The following ZNF182 variants were observed in gnomAD, a reference collection of about 807,000 sequenced individuals.
ZNF182 encodes the protein zinc finger protein 21 (KOX 14).
ZNF182 carries 10 observed loss-of-function variants against 28.1 expected under a neutral mutation model. The ratio of observed to expected loss-of-function variants is 0.36; its 90% CI spans 0.22 to 0.60. ZNF182 has a LOEUF of 0.60. Among genes scored for constraint, ZNF182 ranks in the 20% least tolerant of loss-of-function variants. ZNF182 has a pLI of 0.75. For missense variants in ZNF182, 352 were observed against 453.2 expected, an observed-to-expected ratio of 0.78 and a Z score of 2.03; for synonymous variants, 156 against 158.7, an observed-to-expected ratio of 0.98 and a Z score of 0.13.
intron 3 of ZNF182, among the ~76,000 whole-genome samples, chrX:47,997,155 C>T (rs1032574759): frequency 9.3e-6 from 1 of 107,671 alleles, no homozygotes; most frequent in Non-Finnish European, 1.9e-5. Flanking sequence ...GGCAAAACCC[C>T]ATCTCTACAA....
chrX:47,986,053 C>A (rs1013306778), intron 3 of ZNF182, among the ~76,000 whole-genome samples: 2 of 111,628 alleles, frequency 1.8e-5, no homozygotes, highest in Non-Finnish European at 3.8e-5. Context: ...TATTACCATG[C>A]CCTGTGATTA....
chrX:47,994,500 C>T lies in ZNF182; in HGVS notation c.15+8095G>A, dbSNP rs782706015. 2.8e-3 allele frequency among the ~76,000 whole-genome samples: 313 copies of T among 111,121 alleles called. 3 individuals are homozygous for T. Among genetic ancestry groups the T allele is most frequent in the African/African-American group, 9.6e-3 (294 of 30,520 alleles). On this transcript the variant is annotated intron_variant, in intron 3 of 5. Coordinates refer to ENST00000376943, the MANE Select transcript of ZNF182 (RefSeq NM_001007088.2). ...CAACAGAGCGGAAAAATGACCAATT[C>T]GATATAAATACATAGGGAGGAGAAA...
chrX:47,978,789 T>C (rs782247885), intron 5 of ZNF182, among the ~76,000 whole-genome samples: 19 of 112,798 alleles, frequency 1.7e-4, no homozygotes, highest in Non-Finnish European at 3.6e-4. Context: ...TCTTCCTATA[T>C]AACTTAAATT....
rs781851963 is a variant in ZNF182 at position 48,002,100 on chromosome X, T to C, written c.15+495A>G. On this transcript the variant is annotated intron_variant, in intron 3 of 5. Transcript: ENST00000376943. ...CTAAGAAATTGCTTCAGGAAAATCA[T>C]TGGAAAGACAAGCAGGTTCCCTAAG... is the stretch of plus-strand genomic sequence containing the variant. Among the ~76,000 whole-genome samples the C allele has an allele frequency of 4.9e-4, 55 of 112,274 alleles. No individual in the cohort carries two copies. The South Asian group carries it at 0.014, about 28-fold the overall frequency.
intron 3 of ZNF182, among the ~76,000 whole-genome samples, chrX:48,002,148 T>G (rs1315873003): frequency 8.9e-6 from 1 of 112,072 alleles, no homozygotes; most frequent in Non-Finnish European, 1.9e-5. Context: ...CAAGTTACAT[T>G]TTGACATGAT....
At chrX:48,000,117 T>C (rs1218378032) in intron 3 of ZNF182, among the ~76,000 whole-genome samples, 2 of 107,218 alleles carry the variant, frequency 1.9e-5, no homozygotes, top group African/African-American at 6.8e-5. Flanking sequence ...GCCTGGGCAA[T>C]AGAGCAAGAC....
At chrX:47,999,647 T>G (rs1556901650) in intron 3 of ZNF182, among the ~76,000 whole-genome samples, 1 of 111,372 alleles carries the variant, frequency 9.0e-6, no homozygotes, top group East Asian at 2.8e-4. Flanking sequence ...TCAACAACAC[T>G]GTAGGGTGAC....
chrX:48,001,272 T>C (rs967412684), intron 3 of ZNF182, among the ~76,000 whole-genome samples: 1 of 112,464 alleles, frequency 8.9e-6, no homozygotes, highest in African/African-American at 3.2e-5. Flanking sequence ...TGCCAAAAAC[T>C]GGAAATAACG....
intron 3 of ZNF182, among the ~76,000 whole-genome samples, chrX:47,991,707 G>A (rs1322687897): frequency 1.8e-5 from 2 of 111,515 alleles, no homozygotes; most frequent in Non-Finnish European, 3.8e-5. Flanking sequence ...ACTCTGAAAG[G>A]AGGAAAGTGG....
chrX:47,982,614 C>T (rs1026248967), intron 5 of ZNF182, among the ~76,000 whole-genome samples: 17 of 111,766 alleles, frequency 1.5e-4, no homozygotes, highest in East Asian at 5.6e-4. Context: ...CTGTGACTAA[C>T]GTGGGCCTGG....
At chrX:47,978,189 T>C (rs966620559) in intron 5 of ZNF182, among the ~76,000 whole-genome samples, 29 of 111,457 alleles carry the variant, frequency 2.6e-4, no homozygotes, top group African/African-American at 9.4e-4. Context: ...CACCTCAGCC[T>C]CCTGAGTAGC....
At position 47,977,331 on chromosome X, in the gene ZNF182, ATGTACAATGAGG is replaced by A. The variant is rs1556898385; in HGVS notation, c.687_698del (p.Leu230_His233del). On this transcript the variant is annotated inframe_deletion, in exon 6 of 6. Transcript: ENST00000376943. ...GTTTCTCTCCCGTATGAGTTCTCCA[ATGTACAATGAGG>A]TGTGACTTCTTGCTGAAGGTTTTCC... 2 of 1,208,604 alleles carry A rather than the reference ATGTACAATGAGG, an allele frequency of 1.7e-6. No individual in the cohort carries two copies. The highest frequency in any genetic ancestry group is 2.2e-6 in the Non-Finnish European group (2 of 894,626).
intron 3 of ZNF182, among the ~76,000 whole-genome samples, chrX:47,994,590 A>C (rs1243581833): frequency 8.9e-6 from 1 of 112,013 alleles, no homozygotes; most frequent in Admixed American, 9.4e-5. Flanking sequence ...GACATTTAGC[A>C]AACTGTGAAG....
intron 4 of ZNF182, 115 bp from the exon 5 acceptor site, chrX:47,983,153 A>C (rs1327326987): frequency 2.7e-6 from 3 of 1,109,909 alleles, no homozygotes. Flanking sequence ...TGGTAAAGTC[A>C]AACCATTTAA....
At chrX:47,991,213 C>G (rs782174962) in intron 3 of ZNF182, among the ~76,000 whole-genome samples, 1 of 108,456 alleles carries the variant, frequency 9.2e-6, no homozygotes, top group Non-Finnish European at 1.9e-5. Context: ...CCAGAGGTCC[C>G]TCTCTCTCTC....
intron 3 of ZNF182, among the ~76,000 whole-genome samples, chrX:47,991,773 C>T (rs985788331): frequency 1.8e-5 from 2 of 110,512 alleles, no homozygotes; most frequent in African/African-American, 6.6e-5. Context: ...ATCTTATGAT[C>T]CCCCCACCCC....
At position 47,999,628 on chromosome X, in the gene ZNF182, T is replaced by G. The variant is rs1268019066; in HGVS notation, c.15+2967A>C. ...AGTACAGCTGGATAGGAGGAATAAG[T>G]TCTAGCATTCAACAACACTGTAGGG... On this transcript the variant is annotated intron_variant, in intron 3 of 5. Transcript: ENST00000376943. 3.6e-5 allele frequency among the ~76,000 whole-genome samples: 4 copies of G among 111,242 alleles called. No homozygotes were observed. In the East Asian group the frequency reaches 1.1e-3, roughly 31 times the overall value.
rs2058882279 is a variant in ZNF182, at chrX:47,976,088, C to G, written c.*79G>C. 2 of 985,852 alleles carry G rather than the reference C, an allele frequency of 2.0e-6. No individual in the cohort carries two copies. Among genetic ancestry groups the G allele is most frequent in the East Asian group, 6.5e-5 (2 of 30,539 alleles). 81.2% of individuals were successfully genotyped at this position (985,852 alleles called of 1,213,427 possible). On this transcript the variant is annotated 3_prime_UTR_variant, in exon 6 of 6. Transcript: ENST00000376943. ...TTACTCCCATATTTAAACCACAAGT[C>G]AAAATATACTTTTAAAATGTGAGTA...
Position 47,977,787 on chromosome X carries a change from T to C in ZNF182, c.243A>G (p.Gln81=), listed in dbSNP as rs368579645. Residue 81 remains glutamine, a synonymous_variant, in exon 6 of 6, where the codon CAA becomes CAG. Transcript: ENST00000376943. ...GTTGCCTCTCAATCTGTTCATCAAC[T>C]TGACAGACTTCTAGAAAGAAGTACA... ...IPFWNFPEVC[Q]VDEQIERQHQ... 1 of 1,170,813 alleles carries C rather than the reference T, an allele frequency of 8.5e-7. No individual in the cohort carries two copies. The highest frequency in any genetic ancestry group is 1.1e-6 in the Non-Finnish European group (1 of 875,021).
Sources: allele counts gnomAD v4.1 joint callset (sites outside exome capture counted in the v4.1 genomes callset), GRCh38; gene constraint gnomAD v4.1.1; transcripts MANE v1.5; gene names NCBI Gene and HGNC (gene_info 2026-07-23, HGNC 2026-07-21).